PTPRH: variants seen among roughly 807,000 people sequenced by gnomAD.
PTPRH encodes the protein receptor-type tyrosine-protein phosphatase H.
PTPRH carries 113 observed loss-of-function variants against 130.2 expected under a neutral mutation model. That is an observed-to-expected ratio of 0.87 (90% CI 0.75 to 1.01). PTPRH has a LOEUF of 1.01. Ranked by LOEUF, PTPRH falls within the 50% of genes least tolerant of loss-of-function variation. PTPRH has a pLI of 0.00. For synonymous variants in PTPRH, 556 were observed against 577.9 expected (o/e 0.96, Z 0.54); for missense variants, 1,430 against 1,425.0 (o/e 1.00, Z -0.06).
At chr19:55,188,018 G>T in intron 13 of PTPRH, 60 bp downstream of exon 13, 1 of 1,066,762 alleles carries the variant, frequency 9.4e-7, no homozygotes, top group Non-Finnish European at 1.3e-6. Context: ...CAGGGGGTGG[G>T]GGGTGGGGGT....
Position 55,198,787 on chromosome 19 carries a change from C to A in PTPRH, c.1546G>T (p.Gly516Cys). The A allele has an allele frequency of 6.2e-7, 1 of 1,613,486 alleles. No individual in the cohort carries two copies. Among genetic ancestry groups the A allele is most frequent in the South Asian group, 1.1e-5 (1 of 90,966 alleles). ...CTTTGGGTCCTGGGGTCAGTCATGC[C>A]TTCCCTGACCCATGAGACCCAGTAG... Reference protein sequence around the residue: ...YSYWVSWVREGMTDPRTQSTS... With the variant: ...YSYWVSWVRECMTDPRTQSTS... The change falls in exon 8 of 20, where the codon GGC becomes TGC. Residue 516 changes from glycine to cysteine, a missense_variant. Gly to Cys is a radical substitution (Grantham distance 159, BLOSUM62 -3). Transcript: ENST00000376350.
rs762838986 is a variant in PTPRH at position 55,181,903 on chromosome 19, C to T, written c.3199G>A (p.Ala1067Thr). 1 of 1,614,194 alleles carries T rather than the reference C, an allele frequency of 6.2e-7. No individual in the cohort carries two copies. The highest frequency in any genetic ancestry group is 8.5e-7 in the Non-Finnish European group (1 of 1,180,018). Residue 1067 changes from alanine to threonine, a missense_variant and splice_region_variant, in exon 20 of 20, where the codon GCT (alanine) becomes ACT (threonine). Coordinates refer to ENST00000376350, the MANE Select transcript of PTPRH (RefSeq NM_002842.5). ...ESRPLMVQTEAQYVFLHQCIL... is the reference protein window; with the variant it reads ...ESRPLMVQTETQYVFLHQCIL... ...CACTGATGCAGGAATACGTACTGAG[C>T]CTGGGAAGCAGGCACGGGAGTGAGA...
chr19:55,185,907 C>A lies in PTPRH; in HGVS notation c.2856G>T (p.Glu952Asp). The A allele has an allele frequency of 2.5e-6, 4 of 1,614,188 alleles. No individual in the cohort carries two copies. The highest frequency in any genetic ancestry group is 3.4e-6 in the Non-Finnish European group (4 of 1,180,038). ...HGHLRVTLVG[E>D]EVMENWTVRE... is the part of the protein sequence containing the mutation. ...GCACCGTCCAGTTCTCCATCACTTC[C>A]TCACCTACCAGGGTTACCCGCAGGT... The change falls in exon 17 of 20, where the codon GAG becomes GAT. Residue 952 changes from glutamate to aspartate, a missense_variant. Transcript: ENST00000376350.
chr19:55,188,068 C>G lies in PTPRH; in HGVS notation c.2475+10G>C. Reference sequence around the variant, plus strand: ...GGAGACTGAGCTCAGCCCCTCTGTCCTCTCCCCACCTGGTACTCGTCTGCA... The same window carrying G: ...GGAGACTGAGCTCAGCCCCTCTGTCGTCTCCCCACCTGGTACTCGTCTGCA... On this transcript the variant is annotated intron_variant, in intron 13 of 19. Coordinates refer to ENST00000376350, the MANE Select transcript of PTPRH (RefSeq NM_002842.5). 1 of 1,611,078 alleles carries G rather than the reference C, an allele frequency of 6.2e-7. No homozygotes were observed. Among genetic ancestry groups the G allele is most frequent in the Non-Finnish European group, 8.5e-7 (1 of 1,177,254 alleles).
intron 18 of PTPRH, among the ~76,000 whole-genome samples, chr19:55,184,386 A>T (rs190813638): frequency 6.6e-6 from 1 of 152,310 alleles, no homozygotes; most frequent in African/African-American, 2.4e-5. Flanking sequence ...AACTGTGTAA[A>T]TGTTCACTGT....
chr19:55,185,851 G>T lies in PTPRH; in HGVS notation c.2901+11C>A. On this transcript the variant is annotated intron_variant, in intron 17 of 19. Transcript: ENST00000376350. Reference sequence around the variant, plus strand: ...AAGGCTGAGGGCCAGGACGGGGCTGGACACACGCACCTGGAGGAGCAGCAG... The same window carrying T: ...AAGGCTGAGGGCCAGGACGGGGCTGTACACACGCACCTGGAGGAGCAGCAG... 3 of 1,614,098 alleles carry T rather than the reference G, an allele frequency of 1.9e-6. No homozygotes were observed. The highest frequency in any genetic ancestry group is 2.5e-6 in the Non-Finnish European group (3 of 1,180,020).
Position 55,209,320 on chromosome 19 carries a change from T to G in PTPRH, c.51+63A>C, listed in dbSNP as rs1220288950. ...CAAGATCGAGGTGCAGGCACCCAGC[T>G]CCTTCTCCCTCAGACCTGGGAGTCC... On this transcript the variant is annotated intron_variant, in intron 1 of 19. Coordinates refer to ENST00000376350, the MANE Select transcript of PTPRH (RefSeq NM_002842.5). This position sits in a 1 kb window ranked among gnomAD's most constrained non-coding sequence, Gnocchi z 4.1. 4.2e-6 allele frequency: 6 copies of G among 1,418,132 alleles called. No homozygotes were observed. The African/African-American group carries it at 5.7e-5, about 13-fold the overall frequency. The allele number at this position is 1,418,132 out of a possible 1,614,324, so 87.8% of individuals were successfully genotyped here.
At position 55,205,217 on chromosome 19, in the gene PTPRH, A is replaced by G. The variant is rs1055055453; in HGVS notation, c.619+109T>C. The G allele has an allele frequency of 1.6e-5, 24 of 1,513,150 alleles. No homozygotes were observed. In the Admixed American group the frequency reaches 4.4e-4, roughly 28 times the overall value. The allele number at this position is 1,513,150 out of a possible 1,614,324, so 93.7% of individuals were successfully genotyped here. A position where few individuals can be genotyped will look rare whatever the true frequency, so the allele number is the denominator to read the frequency against. On this transcript the variant is annotated intron_variant, in intron 4 of 19. Coordinates refer to ENST00000376350, the MANE Select transcript of PTPRH (RefSeq NM_002842.5). ...ACTGCCCCAGGATGTGGACATGAGT[A>G]CCTGGCTCAATGTGGCCCAGAGGGA... is the stretch of plus-strand genomic sequence containing the variant.
rs2086565607 is a variant in PTPRH, at chr19:55,192,268, G to C, written c.2258-527C>G. Among the ~76,000 whole-genome samples the C allele has an allele frequency of 2.0e-5, 3 of 151,998 alleles. 1 individual carries two copies. The highest frequency in any genetic ancestry group is 7.2e-5 in the African/African-American group (3 of 41,520). On this transcript the variant is annotated intron_variant, in intron 10 of 19. Coordinates refer to ENST00000376350, the MANE Select transcript of PTPRH (RefSeq NM_002842.5). The stretch of plus-strand genomic sequence containing the variant: ...ATACAAAAAATTAGCAGGGCGTGGT[G>C]GTGGGCGCCTGTAGTCCCAGCTACT...
chr19:55,201,757 A>C (rs535307356), intron 6 of PTPRH, among the ~76,000 whole-genome samples: 1 of 152,282 alleles, frequency 6.6e-6, no homozygotes, highest in Admixed American at 6.5e-5. Context: ...ATTCCTTGAA[A>C]GCTCAGGTAA....
intron 2 of PTPRH, 31 bp from the exon 3 acceptor site, chr19:55,206,986 A>C (rs752764781): frequency 8.9e-6 from 14 of 1,568,334 alleles, no homozygotes; most frequent in Non-Finnish European, 1.7e-6. Context: ...TCTGACAAAA[A>C]GGGAACCAGG....
intron 8 of PTPRH, among the ~76,000 whole-genome samples, chr19:55,197,853 A>G (rs140903807): frequency 6.6e-6 from 1 of 152,242 alleles, no homozygotes; most frequent in African/African-American, 2.4e-5. Context: ...CACTCTAGAC[A>G]CACCACGTTT....
intron 3 of PTPRH, 106 bp downstream of exon 3, chr19:55,206,581 CTG>C: frequency 3.3e-6 from 4 of 1,197,856 alleles, no homozygotes; most frequent in Non-Finnish European, 4.5e-6. Flanking sequence ...GTGGCTTCCA[CTG>C]TGTTTCTATC....
chr19:55,196,457 A>G (rs1359638445), intron 10 of PTPRH, 65 bp downstream of exon 10: 8 of 1,525,832 alleles, frequency 5.2e-6, no homozygotes, highest in East Asian at 2.3e-5. Context: ...TTTCCTCACA[A>G]TGGGGCCTGA....
chr19:55,183,326 C>G (rs1479266341), intron 18 of PTPRH, among the ~76,000 whole-genome samples: 3 of 151,374 alleles, frequency 2.0e-5, no homozygotes, highest in Non-Finnish European at 2.9e-5. Context: ...ATCACTTGAA[C>G]CCGGGAGGCG....
At position 55,197,239 on chromosome 19, in the gene PTPRH, C is replaced by A. The variant is rs1445494691; in HGVS notation, c.1868G>T (p.Ser623Ile). Residue 623 changes from serine (S) to isoleucine (I), a missense_variant, in exon 9 of 20, where the codon AGC (serine) becomes ATC (isoleucine). By Grantham distance (142) the Ser-to-Ile change is moderately radical. Coordinates refer to ENST00000376350, the MANE Select transcript of PTPRH (RefSeq NM_002842.5). ...TTTGTACCACGTCTCATTGGTCCTG[C>A]TGGTCTGGTTGACCCAATTCGCTTG... Reference protein sequence around the residue: ...DPQANWVNQTSRTNETWYKVE... With the variant: ...DPQANWVNQTIRTNETWYKVE... 6.2e-7 allele frequency: 1 copy of A among 1,614,142 alleles called. No individual in the cohort carries two copies. The highest frequency in any genetic ancestry group is 8.5e-7 in the Non-Finnish European group (1 of 1,180,060).
At chr19:55,187,683 C>T in intron 13 of PTPRH, 80 bp from the exon 14 acceptor site, 2 of 1,021,096 alleles carry the variant, frequency 2.0e-6, no homozygotes, top group Admixed American at 3.5e-5. Flanking sequence ...CTCCCCTTGC[C>T]TTCTTCGGCA....
rs1568895393 is a variant in PTPRH at position 55,187,543 on chromosome 19, CGTT to C, written c.2533_2535del (p.Asn845del). The C allele has an allele frequency of 2.5e-6, 4 of 1,612,840 alleles. No individual in the cohort carries two copies. The highest frequency in any genetic ancestry group is 1.7e-6 in the Non-Finnish European group (2 of 1,179,484). On this transcript the variant is annotated inframe_deletion, in exon 14 of 20. Transcript: ENST00000376350. ...AGCACATTTCTGTAGCGGTTCTTGG[CGTT>C]GTTCTCTGAAGCCGAAGCCACCATC...
intron 10 of PTPRH, among the ~76,000 whole-genome samples, chr19:55,194,451 C>G (rs2086629108): frequency 6.6e-6 from 1 of 152,122 alleles, no homozygotes; most frequent in African/African-American, 2.4e-5. Flanking sequence ...ACTTTCTAAG[C>G]AATGGGGTCT....
Sources: allele counts gnomAD v4.1 joint callset (sites outside exome capture counted in the v4.1 genomes callset), GRCh38; gene constraint gnomAD v4.1.1; non-coding constraint Gnocchi (gnomAD v3.1); transcripts MANE v1.5; gene names NCBI Gene and HGNC (gene_info 2026-07-23, HGNC 2026-07-21).